Variants in ADAMTS20 observed in about 807,000 individuals in gnomAD.
The protein encoded by ADAMTS20 is ADAM metallopeptidase with thrombospondin type 1 motif 20.
In ADAMTS20, 225 loss-of-function variants were observed where a neutral mutation model predicts 260.1. The observed-to-expected ratio is 0.87, with a 90% CI of 0.78 to 0.97. The LOEUF (loss-of-function observed/expected upper bound fraction) is 0.97, where lower values mean the gene tolerates loss of function less well. Among genes scored for constraint, ADAMTS20 ranks in the 50% least tolerant of loss-of-function variants. The pLI, the probability that ADAMTS20 is intolerant of heterozygous loss-of-function variation, is 0.00. For synonymous variants in ADAMTS20, 802 were observed against 769.5 expected, an observed-to-expected ratio of 1.04 and a Z score of -0.70; for missense variants, 2,400 against 2,337.7, an observed-to-expected ratio of 1.03 and a Z score of -0.55.
chr12:43,420,313 A>G (rs1448061191), intron 28 of ADAMTS20, among the ~76,000 whole-genome samples: 1 of 152,216 alleles, frequency 6.6e-6, no homozygotes, highest in Non-Finnish European at 1.5e-5. Context: ...AATATGTAGT[A>G]GATACTCATA....
At chr12:43,419,684 G>A (rs1941193249) in intron 28 of ADAMTS20, among the ~76,000 whole-genome samples, 2 of 151,542 alleles carry the variant, frequency 1.3e-5, no homozygotes, top group South Asian at 4.2e-4. Flanking sequence ...GAGTTTTTAG[G>A]GTTATTTTAT....
chr12:43,510,448 CT>C (rs1195742375), intron 3 of ADAMTS20, among the ~76,000 whole-genome samples: 1,493 of 144,644 alleles, frequency 0.01, 21 homozygotes, highest in African/African-American at 0.031. Context: ...AATCTCATTA[CT>C]TTTTTTTTTT....
intron 3 of ADAMTS20, among the ~76,000 whole-genome samples, chr12:43,525,846 T>C (rs1343227686): frequency 1.3e-5 from 2 of 152,124 alleles, no homozygotes; most frequent in African/African-American, 2.4e-5. Flanking sequence ...GTAAATTAAA[T>C]GCACCTAACA....
rs144650050 is a variant in ADAMTS20 at position 43,398,638 on chromosome 12, A to G, written c.4452+428T>C. 1.2e-4 allele frequency among the ~76,000 whole-genome samples: 18 copies of G among 152,288 alleles called. No individual in the cohort carries two copies. In the East Asian group the frequency reaches 3.5e-3, roughly 29 times the overall value. ...CATATATATTTTTCTGTTAGCCTGC[A>G]TAGAATACTATTATGATTATCAGTA... On this transcript the variant is annotated intron_variant, in intron 29 of 38. Transcript: ENST00000389420.
chr12:43,460,546 T>A (rs537607991), intron 11 of ADAMTS20, among the ~76,000 whole-genome samples: 1 of 152,288 alleles, frequency 6.6e-6, no homozygotes, highest in East Asian at 1.9e-4. Context: ...TGTCTTATGA[T>A]GTTAAACATA....
chr12:43,511,642 A>G (rs1254681596), intron 3 of ADAMTS20, among the ~76,000 whole-genome samples: 2 of 152,154 alleles, frequency 1.3e-5, no homozygotes, highest in African/African-American at 4.8e-5. Context: ...AGGAACAATA[A>G]TTGTGATGTA....
chr12:43,456,906 G>C (rs531233543), intron 11 of ADAMTS20, among the ~76,000 whole-genome samples: 30 of 152,260 alleles, frequency 2.0e-4, no homozygotes, highest in African/African-American at 7.0e-4. Flanking sequence ...ATGAATTACT[G>C]ATTAGGAATG....
chr12:43,406,426 A>G (rs1382859444), intron 28 of ADAMTS20, among the ~76,000 whole-genome samples: 1 of 152,148 alleles, frequency 6.6e-6, no homozygotes, highest in African/African-American at 2.4e-5. Context: ...ATGATGTTTG[A>G]GTGATTATAT....
intron 6 of ADAMTS20, among the ~76,000 whole-genome samples, chr12:43,491,016 T>C (rs1483276930): frequency 2.0e-5 from 3 of 152,060 alleles, no homozygotes; most frequent in Non-Finnish European, 4.4e-5. Flanking sequence ...CATAATACTA[T>C]GTATAAAATT....
chr12:43,382,430 G>T (rs1371038824), intron 31 of ADAMTS20, among the ~76,000 whole-genome samples: 1 of 152,054 alleles, frequency 6.6e-6, no homozygotes, highest in African/African-American at 2.4e-5. Context: ...TGCAGAACAG[G>T]CAAATCCACA....
chr12:43,470,168 T>C (rs961766829), intron 7 of ADAMTS20, among the ~76,000 whole-genome samples: 4 of 152,182 alleles, frequency 2.6e-5, no homozygotes, highest in African/African-American at 7.2e-5. Context: ...ATCATCATCT[T>C]ATTATATGTT....
intron 7 of ADAMTS20, among the ~76,000 whole-genome samples, chr12:43,482,167 G>C (rs2137414598): frequency 6.6e-6 from 1 of 152,338 alleles, no homozygotes; most frequent in Admixed American, 6.5e-5. Flanking sequence ...CCTCGCAAAA[G>C]TTGGCCAGCT....
At chr12:43,423,817 G>A (rs1267707515) in intron 28 of ADAMTS20, 5 of 705,896 alleles carry the variant, frequency 7.1e-6, no homozygotes, top group Non-Finnish European at 1.3e-5. Flanking sequence ...GGTCAGTAAC[G>A]ACATTTATTA....
At chr12:43,431,305 T>C in intron 22 of ADAMTS20, 27 bp downstream of exon 22, 2 of 1,604,580 alleles carry the variant, frequency 1.2e-6, no homozygotes, top group South Asian at 2.2e-5. Flanking sequence ...ATAGATCAAA[T>C]TAGAAAAACC....
chr12:43,496,884 T>A (rs1211549384), intron 4 of ADAMTS20, among the ~76,000 whole-genome samples: 1 of 152,114 alleles, frequency 6.6e-6, no homozygotes, highest in Non-Finnish European at 1.5e-5. Flanking sequence ...GACAGAGATA[T>A]TATATACAGC....
intron 29 of ADAMTS20, among the ~76,000 whole-genome samples, chr12:43,386,206 T>C (rs1291422266): frequency 1.3e-5 from 2 of 152,216 alleles, no homozygotes; most frequent in Non-Finnish European, 2.9e-5. Context: ...CTTTTGTATT[T>C]GTTTGCTCTT....
At position 43,377,399 on chromosome 12, in the gene ADAMTS20, T is replaced by G; in HGVS notation, c.4961A>C (p.His1654Pro). 4 of 1,613,118 alleles carry G rather than the reference T, an allele frequency of 2.5e-6. No individual in the cohort carries two copies. Among genetic ancestry groups the G allele is most frequent in the Non-Finnish European group, 3.4e-6 (4 of 1,179,438 alleles). The change falls in exon 32 of 39, where the codon CAT becomes CCT. Residue 1654 changes from histidine to proline, a missense_variant. His to Pro is a moderately conservative substitution (Grantham distance 77). Coordinates refer to ENST00000389420, the MANE Select transcript of ADAMTS20 (RefSeq NM_025003.5). ...TTTTCCAACTTTCCAAGTGGCCAAA[T>G]GCAAACAGCTGTTAATGCATTGGTA... ...QVYQCINSCL[H>P]LATWKVGKWS...
At chr12:43,456,064 C>T (rs987329221) in intron 11 of ADAMTS20, among the ~76,000 whole-genome samples, 9 of 152,102 alleles carry the variant, frequency 5.9e-5, no homozygotes, top group East Asian at 3.9e-4. Context: ...TATGATAATT[C>T]GATTAATAAT....
chr12:43,475,570 A>G (rs1053804263), intron 7 of ADAMTS20, among the ~76,000 whole-genome samples: 4 of 152,174 alleles, frequency 2.6e-5, no homozygotes, highest in African/African-American at 9.7e-5. Flanking sequence ...TGGAGGCATC[A>G]TCACACTACC....
Sources: gnomAD v4.1 joint callset for allele counts (sites outside exome capture counted in the v4.1 genomes callset) on GRCh38, gnomAD v4.1.1 for gene constraint, MANE v1.5 for transcripts, NCBI Gene and HGNC (gene_info 2026-07-23, HGNC 2026-07-21) for gene names.